Variants in LAMA2 observed in about 807,000 individuals in gnomAD.
The protein encoded by LAMA2 is laminin subunit alpha 2, also known as laminin subunit alpha-2.
Under a neutral mutation model 364.8 loss-of-function variants are expected in LAMA2, and 269 were observed. The ratio of observed to expected loss-of-function variants is 0.74; its 90% CI spans 0.67 to 0.82. The LOEUF (loss-of-function observed/expected upper bound fraction) is 0.82. Ranked by LOEUF, LAMA2 falls within the 40% of genes least tolerant of loss-of-function variation. LAMA2 has a pLI of 0.00. For missense variants in LAMA2, 3,807 were observed against 3,873.2 expected (o/e 0.98, Z 0.45); for synonymous variants, 1,379 against 1,370.6 (o/e 1.01, Z -0.14).
chr6:129,305,484 T>A (rs533949412), intron 22 of LAMA2, among the ~76,000 whole-genome samples: 1 of 152,042 alleles, frequency 6.6e-6, no homozygotes, highest in South Asian at 2.1e-4. Context: ...GCCACCATGC[T>A]TGGCTAATTT....
intron 1 of LAMA2, among the ~76,000 whole-genome samples, chr6:129,016,079 C>T (rs1358173549): frequency 6.6e-6 from 1 of 152,038 alleles, no homozygotes; most frequent in African/African-American, 2.4e-5. Context: ...TTCTGTCTAA[C>T]TGCAAAACAG....
At chr6:129,258,253 A>G (rs75636484) in intron 14 of LAMA2, among the ~76,000 whole-genome samples, 1,855 of 152,226 alleles carry the variant, frequency 0.012, 34 homozygotes, top group African/African-American at 0.042. Context: ...CTGTTTCTAG[A>G]TATATATCCA....
At chr6:129,344,641 C>T (rs9492302) in intron 30 of LAMA2, among the ~76,000 whole-genome samples, 8,749 of 151,984 alleles carry the variant, frequency 0.058, 310 homozygotes, top group Middle Eastern at 0.14. Context: ...TAATGTTATC[C>T]AAGGCGAGTA....
chr6:129,514,196 T>C (rs541261298), intron 63 of LAMA2, among the ~76,000 whole-genome samples, 177 bp from the exon 64 acceptor site: 2 of 152,312 alleles, frequency 1.3e-5, no homozygotes, highest in South Asian at 2.1e-4. Flanking sequence ...CTCCTGGTGA[T>C]TAGATTTATA....
intron 30 of LAMA2, among the ~76,000 whole-genome samples, chr6:129,344,827 G>A (rs1347316095): frequency 3.3e-5 from 5 of 152,192 alleles, no homozygotes; most frequent in African/African-American, 1.2e-4. Flanking sequence ...GAATATGGTG[G>A]CAATTGACTA....
intron 58 of LAMA2, among the ~76,000 whole-genome samples, chr6:129,496,854 A>G (rs1374600435): frequency 6.6e-6 from 1 of 152,214 alleles, no homozygotes; most frequent in Admixed American, 6.5e-5. Context: ...TTCTAAATGT[A>G]AAATAATTAA....
At position 129,327,056 on chromosome 6, in the gene LAMA2, A is replaced by G. The variant is rs575813178; in HGVS notation, c.4177-1222A>G. On this transcript the variant is annotated intron_variant, in intron 28 of 64. Coordinates refer to ENST00000421865, the MANE Select transcript of LAMA2 (RefSeq NM_000426.4). ...ATATGATTATGTCCACCATAAGACA[A>G]ATAAGACTCAAAATAGTTTGAATAC... is the stretch of plus-strand genomic sequence containing the variant. 5.9e-5 allele frequency among the ~76,000 whole-genome samples: 9 copies of G among 152,122 alleles called. 1 individual carries two copies. In the South Asian group the frequency reaches 1.9e-3, roughly 31 times the overall value.
At position 129,512,578 on chromosome 6, in the gene LAMA2, A is replaced by T. The variant is rs145994641; in HGVS notation, c.8988+85A>T. ...TCATCCATGTGTGGGAAACTCGAAT[A>T]TTTTGAAGCCCGGCTGTATTCTTTG... On this transcript the variant is annotated intron_variant, in intron 63 of 64. Transcript: ENST00000421865. The T allele has an allele frequency of 2.4e-5, 34 of 1,436,474 alleles. No homozygotes were observed. The East Asian group carries it at 7.7e-4, about 33-fold the overall frequency. 89.0% of individuals were successfully genotyped at this position (1,436,474 alleles called of 1,614,324 possible).
At chr6:129,454,428 GTC>G in intron 47 of LAMA2, 140 bp downstream of exon 47, 1 of 666,400 alleles carries the variant, frequency 1.5e-6, no homozygotes, top group Non-Finnish European at 2.6e-6. Context: ...TTTTATACAT[GTC>G]TGGGAGTGGG....
At chr6:128,914,475 A>G (rs1057396202) in intron 1 of LAMA2, among the ~76,000 whole-genome samples, 1 of 152,192 alleles carries the variant, frequency 6.6e-6, no homozygotes, top group Admixed American at 6.5e-5. Flanking sequence ...TATCTCATAT[A>G]TATGTAATAC....
At chr6:128,973,649 C>T (rs957342074) in intron 1 of LAMA2, among the ~76,000 whole-genome samples, 2 of 151,922 alleles carry the variant, frequency 1.3e-5, no homozygotes, top group South Asian at 2.1e-4. Flanking sequence ...GAGAGTTTGC[C>T]GAGTTTCTTC....
chr6:129,315,043 C>G (rs1490916026), intron 24 of LAMA2, among the ~76,000 whole-genome samples: 1 of 152,032 alleles, frequency 6.6e-6, no homozygotes, highest in Admixed American at 6.5e-5. Context: ...AAAGAGGAAC[C>G]TTGTCCGGGA....
intron 36 of LAMA2, among the ~76,000 whole-genome samples, chr6:129,392,029 T>C (rs1004500430): frequency 5.3e-5 from 8 of 152,194 alleles, no homozygotes; most frequent in African/African-American, 1.7e-4. Context: ...TTTGTTTTAA[T>C]AAAAATACCT....
chr6:129,098,578 G>A (rs1775325180), intron 4 of LAMA2, among the ~76,000 whole-genome samples, 163 bp downstream of exon 4: 1 of 152,174 alleles, frequency 6.6e-6, no homozygotes, highest in African/African-American at 2.4e-5. Flanking sequence ...AACCTGAGGT[G>A]ATTAGAATTT....
At chr6:129,400,812 C>A (rs568282164) in intron 37 of LAMA2, among the ~76,000 whole-genome samples, 68 of 152,274 alleles carry the variant, frequency 4.5e-4, no homozygotes, top group African/African-American at 1.6e-3. Flanking sequence ...CACAGAACTC[C>A]CATTGAATAC....
chr6:128,990,723 T>G (rs1783557616), intron 1 of LAMA2, among the ~76,000 whole-genome samples: 1 of 152,132 alleles, frequency 6.6e-6, no homozygotes, highest in African/African-American at 2.4e-5. Flanking sequence ...TATTGTTTAT[T>G]AAAAAGCTTT....
chr6:129,473,983 C>T (rs1032610418), intron 52 of LAMA2, among the ~76,000 whole-genome samples: 1 of 151,958 alleles, frequency 6.6e-6, no homozygotes, highest in Non-Finnish European at 1.5e-5. Context: ...AGTTAATTTA[C>T]TGCTCATTAT....
At chr6:129,060,961 A>G (rs1438635943) in intron 3 of LAMA2, among the ~76,000 whole-genome samples, 1 of 152,180 alleles carries the variant, frequency 6.6e-6, no homozygotes, top group East Asian at 1.9e-4. Context: ...ACCAAATGGC[A>G]TGGACTTATT....
chr6:129,244,691 T>A (rs1235798454), intron 12 of LAMA2, among the ~76,000 whole-genome samples: 1 of 152,082 alleles, frequency 6.6e-6, no homozygotes, highest in Non-Finnish European at 1.5e-5. Context: ...TATCCCATCC[T>A]TCATTCCTCA....
Sources: gnomAD v4.1 joint callset for allele counts (sites outside exome capture counted in the v4.1 genomes callset) on GRCh38, gnomAD v4.1.1 for gene constraint, MANE v1.5 for transcripts, NCBI Gene and HGNC (gene_info 2026-07-23, HGNC 2026-07-21) for gene names.